Variants in CNGA3 observed in about 807,000 individuals in gnomAD.
CNGA3 encodes cyclic nucleotide-gated channel alpha-3.
A neutral mutation model predicts 46.6 loss-of-function variants in CNGA3; 42 were observed. The observed-to-expected ratio is 0.90, with a 90% confidence interval of 0.70 to 1.17. The LOEUF is 1.17. Among genes scored for constraint, CNGA3 ranks in the 50% most tolerant of loss-of-function variants. CNGA3 has a pLI of 0.00. For synonymous variants in CNGA3, 394 were observed against 369.4 expected, an observed-to-expected ratio of 1.07 and a Z score of -0.76; for missense variants, 893 against 890.7, an observed-to-expected ratio of 1.00 and a Z score of -0.03.
At position 98,391,949 on chromosome 2, in the gene CNGA3, G is replaced by A; in HGVS notation, c.652G>A (p.Val218Met). 1 of 1,614,056 alleles carries A rather than the reference G, an allele frequency of 6.2e-7. No individual in the cohort carries two copies. Among genetic ancestry groups the A allele is most frequent in the Non-Finnish European group, 8.5e-7 (1 of 1,179,998 alleles). The change falls in exon 7 of 8, where the codon GTG becomes ATG. Residue 218 changes from valine (V) to methionine (M), a missense_variant. Transcript: ENST00000272602. ...GGCAGATGTCCTGTATGTCTTGGAT[G>A]TGCTTGTACGAGCTCGGACAGGTGA... ...YSADVLYVLD[V>M]LVRARTGFLE...
Position 98,397,440 on chromosome 2 carries a change from A to G in CNGA3, c.*185A>G. 1 of 661,714 alleles carries G rather than the reference A, an allele frequency of 1.5e-6. No homozygotes were observed. The highest frequency in any genetic ancestry group is 2.6e-6 in the Non-Finnish European group (1 of 379,614). 41.0% of individuals were successfully genotyped at this position (661,714 alleles called of 1,614,324 possible). On this transcript the variant is annotated 3_prime_UTR_variant, in exon 8 of 8. Coordinates refer to ENST00000272602, the MANE Select transcript of CNGA3 (RefSeq NM_001298.3). The stretch of plus-strand genomic sequence containing the variant: ...AAATGGGACTTTTTGTCTCAGTCCC[A>G]GTGAAGTGCCAGGTTTGATTGTGAA...
intron 2 of CNGA3, among the ~76,000 whole-genome samples, chr2:98,373,305 G>A (rs1045215129): frequency 6.6e-6 from 1 of 152,206 alleles, no homozygotes; most frequent in Non-Finnish European, 1.5e-5. Flanking sequence ...ATAGTGTTTG[G>A]ACAAGTCACA....
chr2:98,359,141 G>A (rs1348024751), intron 1 of CNGA3, among the ~76,000 whole-genome samples: 1 of 152,244 alleles, frequency 6.6e-6, no homozygotes, highest in Non-Finnish European at 1.5e-5. Flanking sequence ...GCAACCAGGG[G>A]TTCTCCAAGG....
At position 98,362,330 on chromosome 2, in the gene CNGA3, C is replaced by T. The variant is rs141699831; in HGVS notation, c.-37-7609C>T. Among the ~76,000 whole-genome samples, 1,354 of 151,976 alleles carry T rather than the reference C, an allele frequency of 8.9e-3. 19 individuals are homozygous for T. Among genetic ancestry groups the T allele is most frequent in the Non-Finnish European group, 0.011 (756 of 67,930 alleles). ...GAGTAGCTAGGATTACAGGCGCCTG[C>T]CACCACGCCCAGCTAATTATTTGTA... On this transcript the variant is annotated intron_variant, in intron 1 of 7. Coordinates refer to ENST00000272602, the MANE Select transcript of CNGA3 (RefSeq NM_001298.3).
intron 1 of CNGA3, among the ~76,000 whole-genome samples, chr2:98,358,144 G>A (rs1057296459): frequency 6.6e-6 from 1 of 152,242 alleles, no homozygotes; most frequent in Non-Finnish European, 1.5e-5. Flanking sequence ...TACTCACAAA[G>A]AGTTTATCAA....
rs1180254284 is a variant in CNGA3 at position 98,397,943 on chromosome 2, T to G, written c.*688T>G. On this transcript the variant is annotated 3_prime_UTR_variant, in exon 8 of 8. Transcript: ENST00000272602. The stretch of plus-strand genomic sequence containing the variant: ...AATCTGCTTCACAGAAAAAAGCATC[T>G]CAGTTAGGAGAAGAGACATCCCCTC... 1 of 153,542 alleles carries G rather than the reference T, an allele frequency of 6.5e-6. No individual in the cohort carries two copies. Among genetic ancestry groups the G allele is most frequent in the East Asian group, 1.9e-4 (1 of 5,202 alleles). The allele number at this position is 153,542 out of a possible 1,614,324, so 9.5% of individuals were successfully genotyped here. A position where few individuals can be genotyped will look rare whatever the true frequency, so the allele number is the denominator to read the frequency against.
chr2:98,395,950 C>A lies in CNGA3; in HGVS notation c.780C>A (p.Asp260Glu). ...KLDVLSLVPT[D>E]LAYLKVGTNY... ...ATGTGTTGTCCCTGGTCCCCACCGACCTGGCTTACTTAAAGGTGGGCACAA... is the reference window on the plus strand; with the variant it reads ...ATGTGTTGTCCCTGGTCCCCACCGAACTGGCTTACTTAAAGGTGGGCACAA... The change falls in exon 8 of 8, where the codon GAC (aspartate) becomes GAA (glutamate). Residue 260 changes from aspartate to glutamate, a missense_variant. Physicochemically the swap from Asp to Glu is conservative, Grantham distance 45. Coordinates refer to ENST00000272602, the MANE Select transcript of CNGA3 (RefSeq NM_001298.3). The A allele has an allele frequency of 3.7e-6, 6 of 1,614,186 alleles. No homozygotes were observed. The highest frequency in any genetic ancestry group is 4.2e-6 in the Non-Finnish European group (5 of 1,180,026).
At chr2:98,375,484 T>G (rs1429030319) in intron 2 of CNGA3, among the ~76,000 whole-genome samples, 1 of 152,236 alleles carries the variant, frequency 6.6e-6, no homozygotes, top group Non-Finnish European at 1.5e-5. Context: ...GCAACCAACC[T>G]AGGTGCATTG....
intron 5 of CNGA3, among the ~76,000 whole-genome samples, chr2:98,385,841 C>G (rs1692642581): frequency 6.6e-6 from 1 of 152,098 alleles, no homozygotes; most frequent in Non-Finnish European, 1.5e-5. Flanking sequence ...CAAGGAGTCT[C>G]AAACGGCAGG....
At chr2:98,361,776 C>T (rs544687619) in intron 1 of CNGA3, among the ~76,000 whole-genome samples, 6 of 147,218 alleles carry the variant, frequency 4.1e-5, no homozygotes, top group Admixed American at 1.4e-4. Flanking sequence ...GGCGCGATCT[C>T]GGCTCTCTGC....
At chr2:98,377,152 G>A (rs1467109360) in intron 2 of CNGA3, 1 of 169,408 alleles carries the variant, frequency 5.9e-6, no homozygotes. Context: ...CAGGGCCTCC[G>A]TGTTAACCAG....
chr2:98,385,156 C>T (rs1239098872), intron 5 of CNGA3, among the ~76,000 whole-genome samples: 1 of 152,126 alleles, frequency 6.6e-6, no homozygotes, highest in Non-Finnish European at 1.5e-5. Flanking sequence ...CCCAGACAGG[C>T]CAAGGCCCGT....
chr2:98,346,619 T>G, intron 1 of CNGA3, 85 bp downstream of exon 1: 1 of 394,612 alleles, frequency 2.5e-6, no homozygotes, highest in Non-Finnish European at 4.5e-6. Flanking sequence ...ATACAGGAGG[T>G]AAGTTAGAGA....
Position 98,346,512 on chromosome 2 carries a change from G to C in CNGA3, c.-60G>C. ...CGCTCCGCAGACCCTGGCGCGCCGCGGAGAAGCTCAAACTTTGGCAGGGTA... is the reference window on the plus strand; with the variant it reads ...CGCTCCGCAGACCCTGGCGCGCCGCCGAGAAGCTCAAACTTTGGCAGGGTA... On this transcript the variant is annotated 5_prime_UTR_variant, in exon 1 of 8. Transcript: ENST00000272602. The C allele has an allele frequency of 2.5e-6, 1 of 398,452 alleles. No homozygotes were observed. The highest frequency in any genetic ancestry group is 6.3e-4 in the Middle Eastern group (1 of 1,592). 24.7% of individuals were successfully genotyped at this position (398,452 alleles called of 1,614,324 possible). A position where few individuals can be genotyped will look rare whatever the true frequency, so the allele number is the denominator to read the frequency against.
chr2:98,349,411 T>C (rs1331426300), intron 1 of CNGA3, among the ~76,000 whole-genome samples: 1 of 152,094 alleles, frequency 6.6e-6, no homozygotes, highest in African/African-American at 2.4e-5. Flanking sequence ...CTGGAGAAAA[T>C]AGGCACCTCT....
intron 5 of CNGA3, among the ~76,000 whole-genome samples, chr2:98,386,940 C>T (rs1244738845): frequency 6.6e-6 from 1 of 152,190 alleles, no homozygotes; most frequent in African/African-American, 2.4e-5. Flanking sequence ...GGGATGGCAG[C>T]CCTGTCAACA....
At chr2:98,363,677 A>G (rs75223607) in intron 1 of CNGA3, among the ~76,000 whole-genome samples, 4,412 of 152,096 alleles carry the variant, frequency 0.029, 93 homozygotes, top group Middle Eastern at 0.061. Context: ...TTATTTTGTT[A>G]TTTCTTATTA....
intron 1 of CNGA3, among the ~76,000 whole-genome samples, chr2:98,367,533 C>T (rs868457394): frequency 3.9e-5 from 6 of 152,204 alleles, no homozygotes; most frequent in Admixed American, 1.3e-4. Context: ...GGTCCCTCCC[C>T]GGATTTATTA....
chr2:98,389,728 G>A lies in CNGA3; in HGVS notation c.520G>A (p.Ala174Thr), dbSNP rs919729482. The A allele has an allele frequency of 4.3e-6, 7 of 1,613,610 alleles. No homozygotes were observed. Among genetic ancestry groups the A allele is most frequent in the Admixed American group, 1.7e-5 (1 of 60,024 alleles). Residue 174 changes from alanine (A) to threonine (T), a missense_variant, in exon 6 of 8, where the codon GCC (alanine) becomes ACC (threonine). Physicochemically the swap from Ala to Thr is moderately conservative, Grantham distance 58. Around this residue, in one of 3 missense-constraint regions of CNGA3, gnomAD observed 333 missense variants for 290.8 expected, o/e 1.15. Transcript: ENST00000272602. ...SSNLYYRWLT[A>T]IALPVFYNWY... ...CAACCTGTACTACCGCTGGCTGACC[G>A]CCATCGCCCTGCCTGTCTTCTATAA...
Sources: allele counts gnomAD v4.1 joint callset (sites outside exome capture counted in the v4.1 genomes callset), GRCh38; gene constraint gnomAD v4.1.1; regional missense constraint gnomAD v4.1.1; transcripts MANE v1.5; gene names NCBI Gene and HGNC (gene_info 2026-07-23, HGNC 2026-07-21).